The following EPHA6 variants were observed in gnomAD, a reference collection of about 807,000 sequenced individuals.
The protein encoded by EPHA6 is ephrin type-A receptor 6.
A neutral mutation model predicts 112.0 loss-of-function variants in EPHA6; 50 were observed. The observed-to-expected ratio is 0.45, with a 90% CI of 0.36 to 0.56. The LOEUF is 0.56. EPHA6 is among the 20% of genes least tolerant of loss of function. The pLI, the probability that EPHA6 is intolerant of heterozygous loss-of-function variation, is 0.00. For synonymous variants in EPHA6, 529 were observed against 490.7 expected (o/e 1.08, Z -1.03); for missense variants, 1,280 against 1,417.4 (o/e 0.90, Z 1.56).
chr3:97,402,663 C>T (rs983704060), intron 5 of EPHA6, among the ~76,000 whole-genome samples: 3 of 151,852 alleles, frequency 2.0e-5, no homozygotes, highest in Non-Finnish European at 2.9e-5. Flanking sequence ...TTCTTATATG[C>T]GACATTATTC....
intron 15 of EPHA6, among the ~76,000 whole-genome samples, chr3:97,724,365 A>G (rs902845445): frequency 4.6e-5 from 7 of 152,148 alleles, no homozygotes. Flanking sequence ...TCCATAAAAG[A>G]CCTAACAAAA....
chr3:97,161,913 G>T (rs892419362), intron 3 of EPHA6, among the ~76,000 whole-genome samples: 1 of 152,190 alleles, frequency 6.6e-6, no homozygotes. Flanking sequence ...GAGAGATGAT[G>T]TATCTCTGCA....
chr3:97,713,249 A>G (rs934675399), intron 14 of EPHA6, among the ~76,000 whole-genome samples: 1 of 152,166 alleles, frequency 6.6e-6, no homozygotes, highest in Non-Finnish European at 1.5e-5. Context: ...AAATAAAAAT[A>G]ACTTAGCCAT....
intron 7 of EPHA6, among the ~76,000 whole-genome samples, chr3:97,470,660 C>G (rs1426394682): frequency 6.9e-6 from 1 of 144,354 alleles, no homozygotes; most frequent in Non-Finnish European, 1.5e-5. Context: ...CCAAGTAAAG[C>G]ATTTCACTTT....
chr3:96,935,358 T>C (rs1020145405), intron 2 of EPHA6, among the ~76,000 whole-genome samples: 1 of 151,614 alleles, frequency 6.6e-6, no homozygotes, highest in Admixed American at 6.6e-5. Context: ...TCTTTTCCAT[T>C]CAAGGTTAAA....
At chr3:97,439,823 G>A (rs1002637474) in intron 6 of EPHA6, among the ~76,000 whole-genome samples, 6 of 152,146 alleles carry the variant, frequency 3.9e-5, no homozygotes, top group African/African-American at 1.4e-4. Flanking sequence ...GTTAGATCTG[G>A]TTATAGGAGA....
intron 15 of EPHA6, among the ~76,000 whole-genome samples, chr3:97,735,701 C>A (rs777500017): frequency 1.3e-5 from 2 of 151,932 alleles, no homozygotes; most frequent in African/African-American, 2.4e-5. Context: ...ACTGGTAGCA[C>A]ATGTTTAAAA....
intron 2 of EPHA6, among the ~76,000 whole-genome samples, chr3:96,966,289 A>C (rs938745367): frequency 1.3e-5 from 2 of 152,028 alleles, no homozygotes; most frequent in African/African-American, 4.8e-5. Context: ...AGGGCATCAA[A>C]TGTGCTTTCA....
intron 4 of EPHA6, among the ~76,000 whole-genome samples, chr3:97,226,815 T>C (rs887531439): frequency 6.6e-6 from 1 of 152,206 alleles, no homozygotes; most frequent in African/African-American, 2.4e-5. Context: ...AGTTAACGCG[T>C]GAGGGAGATT....
At chr3:97,139,671 C>CG (rs1167980908) in intron 3 of EPHA6, among the ~76,000 whole-genome samples, 1 of 152,116 alleles carries the variant, frequency 6.6e-6, no homozygotes, top group Non-Finnish European at 1.5e-5. Flanking sequence ...CTCCCACCCT[C>CG]GGGGGGAAAC....
chr3:97,645,571 C>T (rs1334857236), intron 14 of EPHA6, among the ~76,000 whole-genome samples: 2 of 148,868 alleles, frequency 1.3e-5, no homozygotes, highest in Non-Finnish European at 3.0e-5. Context: ...TGCTAGATGA[C>T]GAGTTAGTGG....
chr3:97,065,397 AT>A (rs2046146357), intron 3 of EPHA6, among the ~76,000 whole-genome samples: 2 of 152,120 alleles, frequency 1.3e-5, no homozygotes, highest in South Asian at 4.1e-4. Context: ...CATGATTTTT[AT>A]TTAGATAAAA....
chr3:97,740,984 A>T (rs1046782119), intron 16 of EPHA6, among the ~76,000 whole-genome samples: 8 of 152,152 alleles, frequency 5.3e-5, no homozygotes, highest in African/African-American at 1.9e-4. Context: ...AATAATAAGC[A>T]AACTTTTGTG....
At chr3:97,439,296 G>A (rs374090883) in intron 6 of EPHA6, among the ~76,000 whole-genome samples, 16 of 152,194 alleles carry the variant, frequency 1.1e-4, no homozygotes, top group East Asian at 3.9e-4. Context: ...TTAATGATAC[G>A]TCCCCAGAAA....
intron 12 of EPHA6, among the ~76,000 whole-genome samples, chr3:97,597,806 G>A (rs2093606845): frequency 6.6e-6 from 1 of 152,184 alleles, no homozygotes; most frequent in African/African-American, 2.4e-5. Context: ...TGTTACAAAT[G>A]GAATGTAAGT....
At chr3:97,133,942 A>G (rs974737511) in intron 3 of EPHA6, among the ~76,000 whole-genome samples, 3 of 152,086 alleles carry the variant, frequency 2.0e-5, no homozygotes, top group Admixed American at 1.3e-4. Context: ...AGTATGATAT[A>G]TAAAATTCTA....
At chr3:97,358,095 G>A (rs1400990609) in intron 5 of EPHA6, among the ~76,000 whole-genome samples, 1 of 152,122 alleles carries the variant, frequency 6.6e-6, no homozygotes, top group Non-Finnish European at 1.5e-5. Flanking sequence ...TTTTTCAAGG[G>A]TCAACTGTAC....
chr3:97,180,349 G>A (rs1215291588), intron 3 of EPHA6, among the ~76,000 whole-genome samples: 1 of 152,070 alleles, frequency 6.6e-6, no homozygotes, highest in African/African-American at 2.4e-5. Flanking sequence ...GGAATATGGA[G>A]CCCCAGGAAA....
intron 1 of EPHA6, among the ~76,000 whole-genome samples, chr3:96,842,738 C>G (rs2034823649): frequency 6.6e-6 from 1 of 151,884 alleles, no homozygotes; most frequent in Non-Finnish European, 1.5e-5. Context: ...CCTTCCTACT[C>G]TATTCATTTT....
Sources: gnomAD v4.1 joint callset for allele counts (sites outside exome capture counted in the v4.1 genomes callset) on GRCh38, gnomAD v4.1.1 for gene constraint, MANE v1.5 for transcripts, NCBI Gene and HGNC (gene_info 2026-07-23, HGNC 2026-07-21) for gene names.